CBX7: variants seen among roughly 807,000 people sequenced by gnomAD.
The protein encoded by CBX7 is chromobox protein homolog 7.
In CBX7, 14 loss-of-function variants were observed where a neutral mutation model predicts 31.4. The ratio of observed to expected loss-of-function variants is 0.45; its 90% CI spans 0.29 to 0.70. The LOEUF is 0.70. CBX7 is among the 30% of genes least tolerant of loss of function. The pLI, the probability that CBX7 is intolerant of heterozygous loss-of-function variation, is 0.11. For missense variants in CBX7, 269 were observed against 351.9 expected, an observed-to-expected ratio of 0.76 and a Z score of 1.89; for synonymous variants, 159 against 152.6, an observed-to-expected ratio of 1.04 and a Z score of -0.31.
Position 39,141,399 on chromosome 22 carries a change from G to C in CBX7, c.151C>G (p.Pro51Ala). The change falls in exon 3 of 6, where the codon CCC becomes GCC. Residue 51 changes from proline (P) to alanine (A), a missense_variant. Transcript: ENST00000216133. Reference sequence around the variant, plus strand: ...TCCTCGTAGGCCATGACGAGGCGGGGGTCCAAGATGTGCTCTTCTGGCTCC... The same window carrying C: ...TCCTCGTAGGCCATGACGAGGCGGGCGTCCAAGATGTGCTCTTCTGGCTCC... ...TWEPEEHILDPRLVMAYEEKE... is the reference protein window; with the variant it reads ...TWEPEEHILDARLVMAYEEKE... The C allele has an allele frequency of 6.2e-7, 1 of 1,612,494 alleles. No individual in the cohort carries two copies. The highest frequency in any genetic ancestry group is 8.5e-7 in the Non-Finnish European group (1 of 1,179,572).
intron 2 of CBX7, among the ~76,000 whole-genome samples, chr22:39,143,539 G>GAAAAATATTTCTGCAT (rs1930535085): frequency 6.6e-6 from 1 of 152,200 alleles, no homozygotes; most frequent in African/African-American, 2.4e-5. Flanking sequence ...TGTTCAATGT[G>GAAAAATATTTCTGCAT]AAAAATATTT....
chr22:39,137,042 GTGGGTCTTATTACAT>G (rs1569106992), intron 4 of CBX7, among the ~76,000 whole-genome samples: 2 of 152,176 alleles, frequency 1.3e-5, no homozygotes. Context: ...ATCCTGCCTG[GTGGGTCTTATTACAT>G]TAAGGAGAGC....
At chr22:39,137,119 C>T (rs1376445525) in intron 4 of CBX7, among the ~76,000 whole-genome samples, 2 of 152,182 alleles carry the variant, frequency 1.3e-5, no homozygotes, top group Admixed American at 6.5e-5. Flanking sequence ...CCTACAACCA[C>T]ACACAGGCAG....
At chr22:39,149,974 G>T (rs531476326) in intron 1 of CBX7, 142 bp from the exon 2 acceptor site, 1 of 716,466 alleles carries the variant, frequency 1.4e-6, no homozygotes. Context: ...ACAATCCGGG[G>T]ACTGTCCACC....
At chr22:39,135,133 A>C in intron 4 of CBX7, 7 of 183,204 alleles carry the variant, frequency 3.8e-5, no homozygotes, top group East Asian at 2.9e-4. Context: ...GCACCTCCAA[A>C]ACTGACACTG....
rs538151415 is a variant in CBX7 at position 39,151,144 on chromosome 22, T to C, written c.69+1232A>G. On this transcript the variant is annotated intron_variant, in intron 1 of 5. Transcript: ENST00000216133. ...CCTGCGGGCTCCATCGTAGAGGGAG[T>C]TAGTGCTGTGCCTGCTTCAGGCTAC... is the stretch of plus-strand genomic sequence containing the variant. Among the ~76,000 whole-genome samples the C allele has an allele frequency of 2.3e-4, 35 of 152,314 alleles. 1 individual carries two copies. The highest frequency in any genetic ancestry group is 7.5e-4 in the African/African-American group (31 of 41,570).
chr22:39,133,761 A>C lies in CBX7; in HGVS notation c.*130T>G. 1.1e-6 allele frequency: 1 copy of C among 883,554 alleles called. No homozygotes were observed. The highest frequency in any genetic ancestry group is 1.6e-6 in the Non-Finnish European group (1 of 608,414). The allele number at this position is 883,554 out of a possible 1,614,324, so 54.7% of individuals were successfully genotyped here. ...GGGCAGGTGGTGGGAGAGTAGTGGG[A>C]TCTTCTCCCCTTTTGCTGCTCGGTA... On this transcript the variant is annotated 3_prime_UTR_variant, in exon 6 of 6. Coordinates refer to ENST00000216133, the MANE Select transcript of CBX7 (RefSeq NM_175709.5).
intron 4 of CBX7, among the ~76,000 whole-genome samples, chr22:39,137,765 G>C (rs750616900): frequency 3.9e-5 from 6 of 152,148 alleles, no homozygotes; most frequent in Non-Finnish European, 7.3e-5. Flanking sequence ...TACGACGTGG[G>C]TACTCCGGGA....
Position 39,152,592 on chromosome 22 carries a change from C to T in CBX7, c.-148G>A, listed in dbSNP as rs1015679153. The T allele has an allele frequency of 6.3e-6, 1 of 158,336 alleles. No individual in the cohort carries two copies. The highest frequency in any genetic ancestry group is 2.4e-5 in the African/African-American group (1 of 41,236). 9.8% of individuals were successfully genotyped at this position (158,336 alleles called of 1,614,324 possible). A position where few individuals can be genotyped will look rare whatever the true frequency, so the allele number is the denominator to read the frequency against. On this transcript the variant is annotated 5_prime_UTR_variant, in exon 1 of 6. Transcript: ENST00000216133. This position sits in a 1 kb window ranked among gnomAD's most constrained non-coding sequence, Gnocchi z 4.9. ...GCGCACGCGCACGCGCGCACACCCC[C>T]TCGCGCTCCCTCACGCCGCCGACGT...
chr22:39,145,717 G>A (rs557576135), intron 2 of CBX7, among the ~76,000 whole-genome samples: 282 of 150,198 alleles, frequency 1.9e-3, no homozygotes, highest in Middle Eastern at 0.017. Context: ...CCGGCAAACC[G>A]AGGGGGCGGG....
chr22:39,134,326 C>T, intron 5 of CBX7, 75 bp downstream of exon 5: 2 of 1,273,750 alleles, frequency 1.6e-6, no homozygotes, highest in East Asian at 2.5e-5. Flanking sequence ...CCTCTTTGGA[C>T]ATTGAACCAG....
At position 39,152,192 on chromosome 22, in the gene CBX7, G is replaced by C. The variant is rs941752271; in HGVS notation, c.69+184C>G. Among the ~76,000 whole-genome samples, 1 of 152,080 alleles carries C rather than the reference G, an allele frequency of 6.6e-6. No homozygotes were observed. Among genetic ancestry groups the C allele is most frequent in the Non-Finnish European group, 1.5e-5 (1 of 67,984 alleles). On this transcript the variant is annotated intron_variant, in intron 1 of 5. Transcript: ENST00000216133. This position sits in a 1 kb window ranked among gnomAD's most constrained non-coding sequence, Gnocchi z 4.9. ...CTAGCATCCTGGAGCGACAACTTTT[G>C]TTCTACTCGCCCTACACGGTGGCAG...
At position 39,152,469 on chromosome 22, in the gene CBX7, G is replaced by C; in HGVS notation, c.-25C>G. 9.2e-7 allele frequency: 1 copy of C among 1,086,028 alleles called. No homozygotes were observed. Among genetic ancestry groups the C allele is most frequent in the Non-Finnish European group, 1.1e-6 (1 of 890,956 alleles). The allele number at this position is 1,086,028 out of a possible 1,614,324, so 67.3% of individuals were successfully genotyped here. A position where few individuals can be genotyped will look rare whatever the true frequency, so the allele number is the denominator to read the frequency against. On this transcript the variant is annotated 5_prime_UTR_variant, in exon 1 of 6. Coordinates refer to ENST00000216133, the MANE Select transcript of CBX7 (RefSeq NM_175709.5). This position sits in a 1 kb window ranked among gnomAD's most constrained non-coding sequence, Gnocchi z 4.9. ...TGCGGGGCGGCGGGCGAGCGGGCCC[G>C]GGGCCGGGCCGGGCCGGGGGCGGAG... is the stretch of plus-strand genomic sequence containing the variant.
chr22:39,149,465 G>A lies in CBX7; in HGVS notation c.113+324C>T, dbSNP rs957478481. On this transcript the variant is annotated intron_variant, in intron 2 of 5. Coordinates refer to ENST00000216133, the MANE Select transcript of CBX7 (RefSeq NM_175709.5). ...TCCTCCTGTCCAGCAGCCATCTCCA[G>A]TAGCCCGGATGCTGGGCCTTCACCT... is the stretch of plus-strand genomic sequence containing the variant. 15 of 458,472 alleles carry A rather than the reference G, an allele frequency of 3.3e-5. 1 individual carries two copies. In the Admixed American group the frequency reaches 4.7e-4, roughly 14 times the overall value. 28.4% of individuals were successfully genotyped at this position (458,472 alleles called of 1,614,324 possible). A position where few individuals can be genotyped will look rare whatever the true frequency, so the allele number is the denominator to read the frequency against.
chr22:39,137,177 G>A (rs1281223861), intron 4 of CBX7, among the ~76,000 whole-genome samples: 2 of 152,048 alleles, frequency 1.3e-5, no homozygotes, highest in African/African-American at 2.4e-5. Flanking sequence ...TTCAGACTTC[G>A]AATTTTTTTA....
chr22:39,138,694 C>T lies in CBX7; in HGVS notation c.188G>A (p.Arg63Lys), dbSNP rs1053427084. The T allele has an allele frequency of 6.2e-7, 1 of 1,614,172 alleles. No homozygotes were observed. Among genetic ancestry groups the T allele is most frequent in the Admixed American group, 1.7e-5 (1 of 60,030 alleles). The part of the protein sequence containing the change: ...LVMAYEEKEE[R>K]DRASGYRKRG... The stretch of plus-strand genomic sequence containing the variant: ...CTTCCTATACCCCGATGCTCGGTCT[C>T]TCTCCTCCCTGGGGTGTGAAGCAGG... Residue 63 changes from arginine (R) to lysine (K), a missense_variant, in exon 4 of 6, where the codon AGA becomes AAA. Physicochemically the swap from Arg to Lys is conservative, Grantham distance 26. Around this residue, in one of 2 missense-constraint regions of CBX7, gnomAD observed 47 missense variants for 111.5 expected, o/e 0.42. Transcript: ENST00000216133.
chr22:39,138,688 C>G lies in CBX7; in HGVS notation c.194G>C (p.Arg65Pro). The change falls in exon 4 of 6, where the codon CGA (arginine) becomes CCA (proline). Residue 65 changes from arginine (R) to proline (P), a missense_variant. Transcript: ENST00000216133. ...ACCTCTCTTCCTATACCCCGATGCTCGGTCTCTCTCCTCCCTGGGGTGTGA... is the reference window on the plus strand; with the variant it reads ...ACCTCTCTTCCTATACCCCGATGCTGGGTCTCTCTCCTCCCTGGGGTGTGA... ...MAYEEKEERDRASGYRKRGPK... is the reference protein window; with the variant it reads ...MAYEEKEERDPASGYRKRGPK... 1 of 1,614,144 alleles carries G rather than the reference C, an allele frequency of 6.2e-7. No homozygotes were observed. The highest frequency in any genetic ancestry group is 1.1e-5 in the South Asian group (1 of 91,088).
In CBX7 at chr22:39,152,324, G is replaced by A; in HGVS notation, c.69+52C>T. 8.1e-7 allele frequency: 1 copy of A among 1,238,008 alleles called. No homozygotes were observed. The highest frequency in any genetic ancestry group is 1.0e-6 in the Non-Finnish European group (1 of 955,086). 76.7% of individuals were successfully genotyped at this position (1,238,008 alleles called of 1,614,324 possible). ...CCCAGCGTGGAGGGAGCGGTGCTGG[G>A]GACGGGAGGGACCCCACTGGGGTCC... On this transcript the variant is annotated intron_variant, in intron 1 of 5. Coordinates refer to ENST00000216133, the MANE Select transcript of CBX7 (RefSeq NM_175709.5). This position sits in a 1 kb window ranked among gnomAD's most constrained non-coding sequence, Gnocchi z 4.9.
At position 39,146,191 on chromosome 22, in the gene CBX7, T is replaced by C. The variant is rs181672992; in HGVS notation, c.113+3598A>G. On this transcript the variant is annotated intron_variant, in intron 2 of 5. Coordinates refer to ENST00000216133, the MANE Select transcript of CBX7 (RefSeq NM_175709.5). ...TAACCCCAGTCGTATAGGGCTGTAGTGAAGATTAGATGTGTTAAGCCACGG... is the reference window on the plus strand; with the variant it reads ...TAACCCCAGTCGTATAGGGCTGTAGCGAAGATTAGATGTGTTAAGCCACGG... Among the ~76,000 whole-genome samples the C allele has an allele frequency of 2.0e-5, 3 of 152,260 alleles. No homozygotes were observed. The East Asian group carries it at 5.8e-4, about 29-fold the overall frequency.
Sources: gnomAD v4.1 joint callset for allele counts (sites outside exome capture counted in the v4.1 genomes callset) on GRCh38, gnomAD v4.1.1 for gene constraint, gnomAD v4.1.1 regional missense constraint, Gnocchi (gnomAD v3.1) non-coding constraint, MANE v1.5 for transcripts, NCBI Gene and HGNC (gene_info 2026-07-23, HGNC 2026-07-21) for gene names.